Variants in SYNPO2 observed in about 807,000 individuals in gnomAD.
SYNPO2 encodes synaptopodin-2.
In SYNPO2, 56 loss-of-function variants were observed where a neutral mutation model predicts 85.0. That is an observed-to-expected ratio of 0.66 (90% confidence interval 0.53 to 0.82). The LOEUF is 0.82. Ranked by LOEUF, SYNPO2 falls within the 40% of genes least tolerant of loss-of-function variation. The pLI is 0.00. For missense variants in SYNPO2, 1,575 were observed against 1,534.2 expected, an observed-to-expected ratio of 1.03 and a Z score of -0.44; for synonymous variants, 602 against 591.1, an observed-to-expected ratio of 1.02 and a Z score of -0.27.
At chr4:118,882,979 T>C (rs1732134156) in intron 1 of SYNPO2, among the ~76,000 whole-genome samples, 2 of 151,970 alleles carry the variant, frequency 1.3e-5, no homozygotes, top group Admixed American at 1.3e-4. Context: ...GCCAGGATGG[T>C]CTCGATCTCC....
At chr4:118,931,402 G>A (rs1733929985) in intron 1 of SYNPO2, among the ~76,000 whole-genome samples, 1 of 152,102 alleles carries the variant, frequency 6.6e-6, no homozygotes, top group African/African-American at 2.4e-5. Flanking sequence ...AATATCTAGA[G>A]TTATTATGCT....
At chr4:118,923,972 T>C (rs1159770482) in intron 1 of SYNPO2, among the ~76,000 whole-genome samples, 1 of 152,154 alleles carries the variant, frequency 6.6e-6, no homozygotes, top group Non-Finnish European at 1.5e-5. Context: ...TAAGTTTCAA[T>C]TAATGATGAT....
At chr4:118,904,883 T>G (rs1355631062) in intron 1 of SYNPO2, among the ~76,000 whole-genome samples, 3 of 152,216 alleles carry the variant, frequency 2.0e-5, no homozygotes, top group Non-Finnish European at 4.4e-5. Flanking sequence ...TGGATGGTGC[T>G]CAGCATAACT....
At chr4:119,007,246 GTATATACA>G (rs1406102470) in intron 1 of SYNPO2, among the ~76,000 whole-genome samples, 1 of 30,872 alleles carries the variant, frequency 3.2e-5, no homozygotes, top group Non-Finnish European at 6.1e-5. Context: ...ATATATATAT[GTATATACA>G]TATATATATA....
At chr4:118,962,592 G>T (rs143299482) in intron 1 of SYNPO2, among the ~76,000 whole-genome samples, 248 of 152,252 alleles carry the variant, frequency 1.6e-3, no homozygotes, top group African/African-American at 5.9e-3. Flanking sequence ...TTTATTAGGA[G>T]AACTTTGACT....
chr4:118,959,665 C>T (rs1735002328), intron 1 of SYNPO2, among the ~76,000 whole-genome samples: 1 of 117,584 alleles, frequency 8.5e-6, no homozygotes, highest in South Asian at 2.9e-4. Context: ...CCCTGGTCAT[C>T]TGTGACCACT....
chr4:118,885,549 T>C (rs1434471554), upstream of SYNPO2, among the ~76,000 whole-genome samples: 3 of 151,102 alleles, frequency 2.0e-5, no homozygotes, highest in Non-Finnish European at 4.4e-5. Context: ...CTCGGCTCAC[T>C]GCAACCTCTG....
At chr4:119,014,440 T>C (rs977479665) in intron 1 of SYNPO2, among the ~76,000 whole-genome samples, 2 of 152,042 alleles carry the variant, frequency 1.3e-5, no homozygotes, top group East Asian at 1.9e-4. Context: ...ATAAATAGAT[T>C]TGTAGAAGTG....
rs527689821 is a variant in SYNPO2, at chr4:118,879,993, C to T, written c.12+29053C>T. 5.3e-5 allele frequency among the ~76,000 whole-genome samples: 8 copies of T among 152,268 alleles called. No homozygotes were observed. In the East Asian group the frequency reaches 7.7e-4, roughly 15 times the overall value. ...GTCAGGACAGAATCCCTCCTTATTT[C>T]TCTCAACGGTGCTCCCCTTTCTTTC... is the stretch of plus-strand genomic sequence containing the variant. On this transcript the variant is annotated intron_variant, in intron 1 of 4. Coordinates refer to the SYNPO2 transcript ENST00000610556.
chr4:118,998,074 A>C (rs1475932138), intron 1 of SYNPO2, among the ~76,000 whole-genome samples: 2 of 152,190 alleles, frequency 1.3e-5, no homozygotes, highest in Non-Finnish European at 2.9e-5. Context: ...TAAGGATGGG[A>C]GACTAGGACT....
chr4:118,864,155 C>T (rs1275662748), intron 1 of SYNPO2, among the ~76,000 whole-genome samples: 2 of 152,060 alleles, frequency 1.3e-5, no homozygotes, highest in Non-Finnish European at 2.9e-5. Context: ...TGTTGTACTT[C>T]CATTATTATT....
At chr4:119,017,173 A>T (rs1380161) in intron 1 of SYNPO2, among the ~76,000 whole-genome samples, 102,277 of 151,988 alleles carry the variant, frequency 0.67, 34,442 homozygotes, top group Middle Eastern at 0.73. Flanking sequence ...ACCTGTCACC[A>T]GATTTGAATA....
In SYNPO2 at chr4:118,980,507, C is replaced by T. The variant is rs533865197; in HGVS notation, c.106-42923C>T. Among the ~76,000 whole-genome samples, 79 of 152,188 alleles carry T rather than the reference C, an allele frequency of 5.2e-4. 1 individual carries two copies. In the South Asian group the frequency reaches 0.016, roughly 30 times the overall value. On this transcript the variant is annotated intron_variant, in intron 1 of 4. Coordinates refer to ENST00000307142, the MANE Select transcript of SYNPO2 (RefSeq NM_133477.3). ...GAGCCTTGTTACTTCTTTCTTTTCC[C>T]CCCTTCCCCAGCACACACCCACACA...
intron 1 of SYNPO2, among the ~76,000 whole-genome samples, chr4:118,869,931 A>G (rs1243792668): frequency 6.6e-6 from 1 of 152,234 alleles, no homozygotes; most frequent in East Asian, 1.9e-4. Flanking sequence ...AACCATTCTG[A>G]GTCAAAAAGT....
chr4:118,917,472 T>C (rs910668652), intron 1 of SYNPO2, among the ~76,000 whole-genome samples: 1 of 152,116 alleles, frequency 6.6e-6, no homozygotes, highest in Non-Finnish European at 1.5e-5. Context: ...GAAACTCACC[T>C]TAAATTCAGA....
upstream of SYNPO2, among the ~76,000 whole-genome samples, chr4:118,884,595 G>A (rs1274573557): frequency 6.6e-6 from 1 of 152,204 alleles, no homozygotes; most frequent in East Asian, 1.9e-4. Context: ...ATGGGAAATA[G>A]AATGTTAGGG....
intron 1 of SYNPO2, among the ~76,000 whole-genome samples, chr4:118,862,696 G>T (rs1365346499): frequency 6.6e-6 from 1 of 152,118 alleles, no homozygotes; most frequent in African/African-American, 2.4e-5. Context: ...CATGATGAAT[G>T]ATCTTTTTAA....
At chr4:118,970,378 G>T (rs749078182) in intron 1 of SYNPO2, among the ~76,000 whole-genome samples, 3 of 152,160 alleles carry the variant, frequency 2.0e-5, no homozygotes, top group Non-Finnish European at 4.4e-5. Context: ...CCAGAAGTTT[G>T]ATTGTTTCTG....
Position 119,037,063 on chromosome 4 carries a change from T to G in SYNPO2, c.3252+5036T>G, listed in dbSNP as rs1738546185. ...TAAAGCTCCTTGTGTTTACCTCTGT[T>G]TATGTCATTCTTGACATGTTTATCT... On this transcript the variant is annotated intron_variant, in intron 4 of 4. Transcript: ENST00000307142. 2.6e-6 allele frequency: 4 copies of G among 1,515,454 alleles called. No individual in the cohort carries two copies. In the East Asian group the frequency reaches 9.9e-5, roughly 38 times the overall value. The allele number at this position is 1,515,454 out of a possible 1,614,324, so 93.9% of individuals were successfully genotyped here. A position where few individuals can be genotyped will look rare whatever the true frequency, so the allele number is the denominator to read the frequency against.
Sources: allele counts gnomAD v4.1 joint callset (sites outside exome capture counted in the v4.1 genomes callset), GRCh38; gene constraint gnomAD v4.1.1; transcripts MANE v1.5; gene names NCBI Gene and HGNC (gene_info 2026-07-23, HGNC 2026-07-21).